Variants in NCKAP5 observed in about 807,000 individuals in gnomAD.
The protein encoded by NCKAP5 is NCK associated protein 5.
A neutral mutation model predicts 167.0 loss-of-function variants in NCKAP5; 92 were observed. That is an observed-to-expected ratio of 0.55 (90% confidence interval 0.47 to 0.66). The LOEUF is 0.66. Ranked by LOEUF, NCKAP5 falls within the 30% of genes least tolerant of loss-of-function variation. The pLI, the probability that NCKAP5 is intolerant of heterozygous loss-of-function variation, is 0.00. For synonymous variants in NCKAP5, 891 were observed against 877.4 expected, an observed-to-expected ratio of 1.02 and a Z score of -0.27; for missense variants, 2,378 against 2,315.0, an observed-to-expected ratio of 1.03 and a Z score of -0.56.
intron 2 of NCKAP5, among the ~76,000 whole-genome samples, chr2:133,548,799 AC>A (rs1454388544): frequency 2.0e-5 from 3 of 152,206 alleles, no homozygotes; most frequent in Non-Finnish European, 4.4e-5. Context: ...GACCATCGAG[AC>A]TAGGAAGAAA....
chr2:133,209,447 G>T (rs1265222550), intron 5 of NCKAP5, among the ~76,000 whole-genome samples: 1 of 148,732 alleles, frequency 6.7e-6, no homozygotes, highest in African/African-American at 2.5e-5. Flanking sequence ...AGACAAAATT[G>T]ACTAAACAAA....
At chr2:133,453,180 A>C (rs145647213) in intron 3 of NCKAP5, among the ~76,000 whole-genome samples, 15 of 152,274 alleles carry the variant, frequency 9.9e-5, no homozygotes, top group African/African-American at 3.6e-4. Flanking sequence ...AATGTCTGAT[A>C]ATTTTGCCCA....
At chr2:132,711,834 TCTC>T (rs1222605703) in intron 19 of NCKAP5, among the ~76,000 whole-genome samples, 2 of 152,112 alleles carry the variant, frequency 1.3e-5, no homozygotes, top group East Asian at 3.9e-4. Context: ...CTTCCTTCCT[TCTC>T]CATTGAGCTT....
chr2:133,528,787 C>G (rs1310072576), intron 2 of NCKAP5, among the ~76,000 whole-genome samples: 1 of 152,182 alleles, frequency 6.6e-6, no homozygotes, highest in East Asian at 1.9e-4. Context: ...CCTTCCCGGC[C>G]CCCTCTTCAC....
intron 11 of NCKAP5, among the ~76,000 whole-genome samples, chr2:132,851,068 G>A (rs947968978): frequency 2.0e-5 from 3 of 151,838 alleles, no homozygotes; most frequent in South Asian, 2.1e-4. Flanking sequence ...ATGTTAGGCC[G>A]ACAGTGATTG....
At chr2:132,866,661 G>A (rs1690380191) in intron 10 of NCKAP5, among the ~76,000 whole-genome samples, 1 of 152,136 alleles carries the variant, frequency 6.6e-6, no homozygotes, top group Non-Finnish European at 1.5e-5. Context: ...GCTGCCCAGT[G>A]AAGAGCTGAA....
At chr2:133,130,182 A>C (rs2082551704) in intron 5 of NCKAP5, 71 bp from the exon 6 acceptor site, 9 of 1,516,776 alleles carry the variant, frequency 5.9e-6, no homozygotes, top group Non-Finnish European at 6.2e-6. Context: ...GCTGGTTATC[A>C]AGTGATAACT....
intron 6 of NCKAP5, among the ~76,000 whole-genome samples, chr2:133,040,224 C>A (rs960168962): frequency 1.3e-5 from 2 of 151,974 alleles, no homozygotes; most frequent in Non-Finnish European, 1.5e-5. Context: ...CAGCCTGTAA[C>A]TTCTCCTTTC....
At chr2:133,205,129 A>G (rs1173898649) in intron 5 of NCKAP5, among the ~76,000 whole-genome samples, 1 of 151,942 alleles carries the variant, frequency 6.6e-6, no homozygotes, top group Non-Finnish European at 1.5e-5. Context: ...TCTCTACAAA[A>G]AAATTTAAAA....
intron 5 of NCKAP5, among the ~76,000 whole-genome samples, chr2:133,140,062 A>G (rs1366614883): frequency 6.6e-6 from 1 of 152,050 alleles, no homozygotes; most frequent in Admixed American, 6.5e-5. Flanking sequence ...ATAAAAAGTC[A>G]ATGACTCATT....
intron 6 of NCKAP5, among the ~76,000 whole-genome samples, chr2:133,126,887 T>C (rs1192509533): frequency 1.3e-5 from 2 of 152,202 alleles, no homozygotes; most frequent in African/African-American, 2.4e-5. Context: ...TTTGTTTTTA[T>C]TTTATCAGCC....
chr2:133,611,069 C>A, the NCKAP5 span, among the ~76,000 whole-genome samples: 3 of 151,954 alleles, frequency 2.0e-5, no homozygotes, highest in South Asian at 6.3e-4. Context: ...GACCTCCTAC[C>A]CAGAGAAGTG....
At chr2:133,465,522 C>T (rs1692515741) in intron 3 of NCKAP5, among the ~76,000 whole-genome samples, 2 of 151,992 alleles carry the variant, frequency 1.3e-5, no homozygotes, top group Non-Finnish European at 2.9e-5. Flanking sequence ...GGGTATATAC[C>T]CAGTAATGGG....
At chr2:133,345,813 G>C (rs908200031) in intron 3 of NCKAP5, among the ~76,000 whole-genome samples, 3 of 150,026 alleles carry the variant, frequency 2.0e-5, no homozygotes, top group Non-Finnish European at 4.4e-5. Flanking sequence ...GGGGATAAAG[G>C]AAGTGCAGTT....
intron 2 of NCKAP5, among the ~76,000 whole-genome samples, chr2:133,556,212 T>G (rs1034266436): frequency 2.0e-5 from 3 of 152,198 alleles, no homozygotes; most frequent in Admixed American, 2.0e-4. Flanking sequence ...TTATAAAAAT[T>G]TATCAAGCTT....
intron 3 of NCKAP5, among the ~76,000 whole-genome samples, chr2:133,435,488 G>A (rs1159592555): frequency 6.6e-6 from 1 of 152,162 alleles, no homozygotes; most frequent in African/African-American, 2.4e-5. Flanking sequence ...GGCTCTACCA[G>A]GTTGGAACGA....
intron 3 of NCKAP5, among the ~76,000 whole-genome samples, chr2:133,510,918 G>A (rs1295075597): frequency 1.3e-5 from 2 of 152,210 alleles, no homozygotes; most frequent in Non-Finnish European, 2.9e-5. Flanking sequence ...CTACCTTAAA[G>A]GGTTGTTGTT....
At chr2:133,534,673 C>T (rs913763291) in intron 2 of NCKAP5, among the ~76,000 whole-genome samples, 2 of 152,084 alleles carry the variant, frequency 1.3e-5, no homozygotes, top group African/African-American at 2.4e-5. Flanking sequence ...TGCTTCATTC[C>T]TTTTTGTAAT....
intron 2 of NCKAP5, among the ~76,000 whole-genome samples, chr2:133,557,580 C>T (rs1427400205): frequency 1.3e-5 from 2 of 152,120 alleles, no homozygotes; most frequent in Non-Finnish European, 2.9e-5. Flanking sequence ...CATGTCAGTC[C>T]CTTATAAGAT....
Sources: allele counts gnomAD v4.1 joint callset (sites outside exome capture counted in the v4.1 genomes callset), GRCh38; gene constraint gnomAD v4.1.1; transcripts MANE v1.5; gene names NCBI Gene and HGNC (gene_info 2026-07-23, HGNC 2026-07-21).